Variants in PPP6C observed in about 807,000 individuals in gnomAD.
PPP6C encodes serine/threonine-protein phosphatase 6 catalytic subunit.
A neutral mutation model predicts 39.8 loss-of-function variants in PPP6C; 11 were observed. The observed-to-expected ratio is 0.28, with a 90% CI of 0.17 to 0.46. The LOEUF (loss-of-function observed/expected upper bound fraction) is 0.46, where lower values mean the gene tolerates loss of function less well. PPP6C is among the 20% of genes least tolerant of loss of function. PPP6C has a pLI of 1.00. For missense variants in PPP6C, 211 were observed against 373.9 expected (o/e 0.56, Z 3.59); for synonymous variants, 129 against 130.3 (o/e 0.99, Z 0.07).
At chr9:125,169,084 A>C (rs564721201) in intron 2 of PPP6C, among the ~76,000 whole-genome samples, 13 of 152,346 alleles carry the variant, frequency 8.5e-5, no homozygotes. Flanking sequence ...GAACACATAC[A>C]ACATAAACAA....
intron 4 of PPP6C, among the ~76,000 whole-genome samples, chr9:125,155,696 G>C (rs1284255597): frequency 6.6e-6 from 1 of 152,130 alleles, no homozygotes; most frequent in Non-Finnish European, 1.5e-5. Flanking sequence ...AAGGTCAGGA[G>C]ATTGAGACCA....
chr9:125,178,815 T>C (rs558052361), intron 1 of PPP6C, among the ~76,000 whole-genome samples: 1 of 152,298 alleles, frequency 6.6e-6, no homozygotes, highest in Admixed American at 6.5e-5. Flanking sequence ...TTTCTACTGG[T>C]GGTGAAAGTG....
At chr9:125,181,878 A>G (rs1829429113) in intron 1 of PPP6C, among the ~76,000 whole-genome samples, 1 of 152,204 alleles carries the variant, frequency 6.6e-6, no homozygotes, top group African/African-American at 2.4e-5. Flanking sequence ...GAATCGCTAC[A>G]CTGTCTTCCA....
intron 4 of PPP6C, among the ~76,000 whole-genome samples, 158 bp from the exon 5 acceptor site, chr9:125,154,143 G>C (rs767439442): frequency 9.9e-5 from 15 of 152,208 alleles, no homozygotes; most frequent in Non-Finnish European, 2.2e-4. Context: ...TCCACATAGA[G>C]CCAAAAGAAC....
chr9:125,173,171 G>C (rs574218683), intron 1 of PPP6C, among the ~76,000 whole-genome samples: 12 of 152,128 alleles, frequency 7.9e-5, no homozygotes, highest in African/African-American at 2.9e-4. Context: ...CCAGAACTTT[G>C]GGAGGCTGAG....
chr9:125,155,039 C>T (rs1436043351), intron 4 of PPP6C, among the ~76,000 whole-genome samples: 1 of 152,156 alleles, frequency 6.6e-6, no homozygotes, highest in East Asian at 1.9e-4. Context: ...TTCTGAACAG[C>T]TGGAACTACA....
intron 1 of PPP6C, among the ~76,000 whole-genome samples, chr9:125,171,435 T>G (rs1302106508): frequency 7.1e-6 from 1 of 140,116 alleles, no homozygotes; most frequent in Non-Finnish European, 1.5e-5. Flanking sequence ...AAAATGATGT[T>G]TTTCACCAAA....
intron 2 of PPP6C, among the ~76,000 whole-genome samples, chr9:125,162,652 A>C (rs555853328): frequency 6.7e-6 from 1 of 148,312 alleles, no homozygotes; most frequent in African/African-American, 2.5e-5. Context: ...GGCACCTGTA[A>C]TCAATCCCTG....
intron 6 of PPP6C, among the ~76,000 whole-genome samples, chr9:125,152,068 G>C (rs1588271266): frequency 6.7e-6 from 1 of 149,106 alleles, no homozygotes; most frequent in African/African-American, 2.4e-5. Flanking sequence ...TGAGCACCCT[G>C]TAAGGCAGGA....
At chr9:125,164,216 CTCTTTTTTTTTTTTT>C (rs1454788745) in intron 2 of PPP6C, among the ~76,000 whole-genome samples, 29 of 119,708 alleles carry the variant, frequency 2.4e-4, no homozygotes, top group Admixed American at 1.6e-3. Flanking sequence ...CTCCCTCACT[CTCTTTTTTTTTTTTT>C]TTTTTTTTTT....
chr9:125,153,841 T>C, intron 5 of PPP6C, 65 bp downstream of exon 5: 1 of 1,523,742 alleles, frequency 6.6e-7, no homozygotes, highest in East Asian at 2.3e-5. Flanking sequence ...AGATGACAAC[T>C]AGATAAAAAT....
chr9:125,151,353 G>A (rs1038475100), intron 6 of PPP6C: 5 of 1,296,936 alleles, frequency 3.9e-6, no homozygotes, highest in Non-Finnish European at 5.6e-6. Flanking sequence ...CTCTCAGCTG[G>A]AGTCACCAAA....
At chr9:125,171,202 G>T in intron 1 of PPP6C, 22 bp from the exon 2 acceptor site, 1 of 1,483,146 alleles carries the variant, frequency 6.7e-7, no homozygotes, top group Non-Finnish European at 9.2e-7. Flanking sequence ...GAAAATAAAA[G>T]GTAAACATTT....
chr9:125,151,822 C>T (rs1321177785), intron 6 of PPP6C, among the ~76,000 whole-genome samples: 1 of 152,230 alleles, frequency 6.6e-6, no homozygotes, highest in East Asian at 1.9e-4. Flanking sequence ...TTCTGTGAGC[C>T]TTGCAGCTTT....
intron 6 of PPP6C, chr9:125,151,218 T>C: frequency 6.6e-7 from 1 of 1,510,480 alleles, no homozygotes; most frequent in Non-Finnish European, 9.2e-7. Flanking sequence ...TTGCCTTGAT[T>C]CACAAAGAAG....
intron 2 of PPP6C, among the ~76,000 whole-genome samples, chr9:125,165,770 C>T (rs74518045): frequency 6.7e-6 from 1 of 149,206 alleles, no homozygotes; most frequent in East Asian, 2.0e-4. Flanking sequence ...AATATGAAAT[C>T]TGAAACCATA....
At position 125,189,594 on chromosome 9, in the gene PPP6C, C is replaced by T. The variant is rs1357179501; in HGVS notation, c.75+50G>A. 2.5e-6 allele frequency: 4 copies of T among 1,608,948 alleles called. No homozygotes were observed. Among genetic ancestry groups the T allele is most frequent in the Non-Finnish European group, 2.5e-6 (3 of 1,178,684 alleles). ...GGGTCCTGGAGAAAGGAAGGGCCGG[C>T]CGGCGGGCGCCCCACAGCCGGAAGG... On this transcript the variant is annotated intron_variant, in intron 1 of 6. Transcript: ENST00000373547.
intron 2 of PPP6C, among the ~76,000 whole-genome samples, chr9:125,168,586 G>A (rs891592064): frequency 2.0e-5 from 3 of 151,960 alleles, no homozygotes; most frequent in African/African-American, 7.3e-5. Flanking sequence ...AGCCTCCTAA[G>A]GAGCTGGGAT....
chr9:125,169,627 G>C (rs1355140314), intron 2 of PPP6C, among the ~76,000 whole-genome samples: 1 of 152,084 alleles, frequency 6.6e-6, no homozygotes, highest in East Asian at 1.9e-4. Context: ...ACTACACTGG[G>C]GGAAAACATG....
Sources: gnomAD v4.1 joint callset for allele counts (sites outside exome capture counted in the v4.1 genomes callset) on GRCh38, gnomAD v4.1.1 for gene constraint, MANE v1.5 for transcripts, NCBI Gene and HGNC (gene_info 2026-07-23, HGNC 2026-07-21) for gene names.